SCARF2: variants seen among roughly 807,000 people sequenced by gnomAD.
The protein encoded by SCARF2 is scavenger receptor expressed by endothelial cells 2 protein.
Under a neutral mutation model 73.4 loss-of-function variants are expected in SCARF2, and 39 were observed. The observed-to-expected ratio is 0.53, with a 90% CI of 0.41 to 0.69. The LOEUF (loss-of-function observed/expected upper bound fraction) is 0.69. SCARF2 is among the 30% of genes least tolerant of loss of function. SCARF2 has a pLI of 0.00. For synonymous variants in SCARF2, 605 were observed against 590.0 expected, an observed-to-expected ratio of 1.03 and a Z score of -0.37; for missense variants, 1,148 against 1,303.5, an observed-to-expected ratio of 0.88 and a Z score of 1.84.
At chr22:20,426,842 G>T (rs893372526) in intron 10 of SCARF2, among the ~76,000 whole-genome samples, 1 of 151,962 alleles carries the variant, frequency 6.6e-6, no homozygotes, top group Non-Finnish European at 1.5e-5. Context: ...CAGGAGAATT[G>T]CTTGAACCCA....
rs770367092 is a variant in SCARF2, at chr22:20,426,165, G to T, written c.1811C>A (p.Ala604Glu). The T allele has an allele frequency of 3.2e-5, 47 of 1,487,940 alleles. No individual in the cohort carries two copies. Among genetic ancestry groups the T allele is most frequent in the Non-Finnish European group, 3.9e-5 (44 of 1,124,486 alleles). 92.2% of individuals were successfully genotyped at this position (1,487,940 alleles called of 1,614,324 possible). The change falls in exon 11 of 11, where the codon GCG becomes GAG. Residue 604 changes from alanine (A) to glutamate (E), a missense_variant. Coordinates refer to ENST00000622235, the MANE Select transcript of SCARF2 (RefSeq NM_182895.5). ...ASAEEAIPLP[A>E]SSDSERSASS... is the part of the protein sequence containing the mutation. ...CGCCGACCGCTCGCTGTCGGAGGAC[G>T]CGGGGAGGGGTATCGCCTCCTCGGC...
At chr22:20,427,178 C>T (rs1281364435) in intron 10 of SCARF2, among the ~76,000 whole-genome samples, 1 of 151,710 alleles carries the variant, frequency 6.6e-6, no homozygotes, top group Non-Finnish European at 1.5e-5. Context: ...AGGAGCAACC[C>T]TGGGCTGTGG....
At chr22:20,431,583 AGGT>A in intron 3 of SCARF2, 46 bp from the exon 4 acceptor site, 1 of 1,546,308 alleles carries the variant, frequency 6.5e-7, no homozygotes, top group Non-Finnish European at 8.7e-7. Context: ...GTGCTTGAGT[AGGT>A]GCCCCCAGCC....
intron 1 of SCARF2, among the ~76,000 whole-genome samples, chr22:20,436,142 A>G (rs899743097): frequency 6.6e-6 from 1 of 152,246 alleles, no homozygotes; most frequent in African/African-American, 2.4e-5. Flanking sequence ...TGACTTGCCC[A>G]GGTCCACACA....
In SCARF2 at chr22:20,425,836, G is replaced by A; in HGVS notation, c.2140C>T (p.Pro714Ser). 1 of 1,577,016 alleles carries A rather than the reference G, an allele frequency of 6.3e-7. No homozygotes were observed. ...CGCGGCGTTGGGTCGCGGGTCCGGG[G>A]GCTGCCGTGTTCGACCGTATGCGCC... ...KSAHTVEHGS[P>S]RTRDPTPRPP... is the part of the protein sequence containing the mutation. Residue 714 changes from proline (P) to serine (S), a missense_variant, in exon 11 of 11, where the codon CCC becomes TCC. Transcript: ENST00000622235. The surrounding 1 kb of genome is among the most constrained non-coding windows in gnomAD (Gnocchi z 4.6).
At chr22:20,427,250 A>T in intron 10 of SCARF2, 148 bp downstream of exon 10, 2 of 963,672 alleles carry the variant, frequency 2.1e-6, no homozygotes, top group Non-Finnish European at 3.2e-6. Context: ...CTATGGCCTC[A>T]GCTCTGTGGG....
At position 20,429,180 on chromosome 22, in the gene SCARF2, C is replaced by G. The variant is rs371671076; in HGVS notation, c.1540+45G>C. On this transcript the variant is annotated intron_variant, in intron 9 of 10. Transcript: ENST00000622235. The surrounding 1 kb of genome is among the most constrained non-coding windows in gnomAD (Gnocchi z 5.2). The stretch of plus-strand genomic sequence containing the variant: ...ACACCCATTTCCCAGCAGCTTCCTG[C>G]GTCGAGAGGTGTTTCTCCCAGATAC... 105 of 1,612,678 alleles carry G rather than the reference C, an allele frequency of 6.5e-5. No homozygotes were observed. The African/African-American group carries it at 1.2e-3, about 18-fold the overall frequency.
In SCARF2 at chr22:20,425,307, T is replaced by G. The variant is rs2052558565; in HGVS notation, c.*68A>C. The G allele has an allele frequency of 2.4e-6, 3 of 1,253,250 alleles. No homozygotes were observed. Among genetic ancestry groups the G allele is most frequent in the Non-Finnish European group, 2.0e-6 (2 of 977,136 alleles). 77.6% of individuals were successfully genotyped at this position (1,253,250 alleles called of 1,614,324 possible). A position where few individuals can be genotyped will look rare whatever the true frequency, so the allele number is the denominator to read the frequency against. On this transcript the variant is annotated 3_prime_UTR_variant, in exon 11 of 11. Transcript: ENST00000622235. The surrounding 1 kb of genome is among the most constrained non-coding windows in gnomAD (Gnocchi z 4.6). ...AGGAGGCCGCCCGTGCCCGGTAGCG[T>G]GGGAGGTGTGGGGTGGCGGGCGGCG...
At position 20,431,448 on chromosome 22, in the gene SCARF2, T is replaced by C. The variant is rs2052646332; in HGVS notation, c.424A>G (p.Thr142Ala). The change falls in exon 4 of 11, where the codon ACT becomes GCT. Residue 142 changes from threonine to alanine, a missense_variant. Thr to Ala is a moderately conservative substitution (Grantham distance 58). Coordinates refer to ENST00000622235, the MANE Select transcript of SCARF2 (RefSeq NM_182895.5). ...GQCEDVTGQC[T>A]CHARRWGARC... ...GCGCCCCAGCGCCGCGCGTGACAAG[T>C]ACACTGGCCTGTCACGTCCTCGCAC... is the stretch of plus-strand genomic sequence containing the variant. 5 of 1,556,406 alleles carry C rather than the reference T, an allele frequency of 3.2e-6. No homozygotes were observed. The highest frequency in any genetic ancestry group is 4.3e-6 in the Non-Finnish European group (5 of 1,159,358).
In SCARF2 at chr22:20,425,466, G is replaced by A; in HGVS notation, c.2510C>T (p.Pro837Leu). The change falls in exon 11 of 11, where the codon CCC becomes CTC. Residue 837 changes from proline (P) to leucine (L), a missense_variant. Pro to Leu is a moderately conservative substitution (Grantham distance 98, BLOSUM62 -3). Around this residue, in one of 5 missense-constraint regions of SCARF2, gnomAD observed 169 missense variants for 136.9 expected, o/e 1.23. Coordinates refer to ENST00000622235, the MANE Select transcript of SCARF2 (RefSeq NM_182895.5). This position sits in a 1 kb window ranked among gnomAD's most constrained non-coding sequence, Gnocchi z 4.6. ...CTTCTGGATGGGGGTCTTCTTCCGGGGGGTCTCAGGCGCGGGCAAGTCGGT... is the reference window on the plus strand; with the variant it reads ...CTTCTGGATGGGGGTCTTCTTCCGGAGGGTCTCAGGCGCGGGCAAGTCGGT... ...AATDLPAPET[P>L]RKKTPIQKPP... 7.1e-7 allele frequency: 1 copy of A among 1,404,780 alleles called. No homozygotes were observed. The highest frequency in any genetic ancestry group is 9.3e-7 in the Non-Finnish European group (1 of 1,078,334). The allele number at this position is 1,404,780 out of a possible 1,614,324, so 87.0% of individuals were successfully genotyped here. A position where few individuals can be genotyped will look rare whatever the true frequency, so the allele number is the denominator to read the frequency against.
In SCARF2 at chr22:20,427,465, G is replaced by T; in HGVS notation, c.1626C>A (p.Ser542=). Residue 542 remains serine, a synonymous_variant, in exon 10 of 11, where the codon TCC becomes TCA. Coordinates refer to ENST00000622235, the MANE Select transcript of SCARF2 (RefSeq NM_182895.5). The stretch of plus-strand genomic sequence containing the variant: ...CAAACGAGGAGAAGGAGGCCCGAGA[G>T]GACCAGGATGGTGAGGGCTGCTCCA... The part of the protein sequence containing the change: ...SGLEQPSPSW[S]SRASFSSFDT... The T allele has an allele frequency of 6.2e-7, 1 of 1,614,196 alleles. No individual in the cohort carries two copies. The highest frequency in any genetic ancestry group is 2.2e-5 in the East Asian group (1 of 44,894).
In SCARF2 at chr22:20,426,244, C is replaced by T. The variant is rs1046926621; in HGVS notation, c.1732G>A (p.Val578Ile). The T allele has an allele frequency of 6.5e-6, 10 of 1,536,912 alleles. No homozygotes were observed. The highest frequency in any genetic ancestry group is 8.7e-6 in the Non-Finnish European group (10 of 1,147,734). The change falls in exon 11 of 11, where the codon GTC (valine) becomes ATC (isoleucine). Residue 578 changes from valine (V) to isoleucine (I), a missense_variant. Around this residue, in one of 5 missense-constraint regions of SCARF2, gnomAD observed 437 missense variants for 433.6 expected, o/e 1.01. Coordinates refer to ENST00000622235, the MANE Select transcript of SCARF2 (RefSeq NM_182895.5). Reference sequence around the variant, plus strand: ...GACGGCGCCGGCGCCTCGGCAGGGACAGTGGGGACTTCGGGGTCCCGGCTC... The same window carrying T: ...GACGGCGCCGGCGCCTCGGCAGGGATAGTGGGGACTTCGGGGTCCCGGCTC... Reference protein sequence around the residue: ...AESRDPEVPTVPAEAPAPSPV... With the variant: ...AESRDPEVPTIPAEAPAPSPV...
At position 20,430,552 on chromosome 22, in the gene SCARF2, T is replaced by C; in HGVS notation, c.1079A>G (p.Glu360Gly). The C allele has an allele frequency of 6.2e-7, 1 of 1,611,936 alleles. No homozygotes were observed. The highest frequency in any genetic ancestry group is 8.5e-7 in the Non-Finnish European group (1 of 1,179,354). ...CNAGWIGDRC[E>G]TKCSNGTYGE... ...GTAAGTGCCATTGCTACACTTGGTCTCGCACCTTGGAAAGAGGGGAGGAGG... is the reference window on the plus strand; with the variant it reads ...GTAAGTGCCATTGCTACACTTGGTCCCGCACCTTGGAAAGAGGGGAGGAGG... The change falls in exon 6 of 11, where the codon GAG (glutamate) becomes GGG (glycine). Residue 360 changes from glutamate (E) to glycine (G), a missense_variant. Around this residue, in one of 5 missense-constraint regions of SCARF2, gnomAD observed 372 missense variants for 532.0 expected, o/e 0.70. Transcript: ENST00000622235.
chr22:20,433,727 G>A (rs1175687161), intron 1 of SCARF2, among the ~76,000 whole-genome samples: 1 of 152,246 alleles, frequency 6.6e-6, no homozygotes, highest in African/African-American at 2.4e-5. Context: ...GGAATACAAA[G>A]GCCTGGCTTT....
In SCARF2 at chr22:20,426,203, G is replaced by A; in HGVS notation, c.1773C>T (p.Thr591=). The A allele has an allele frequency of 1.3e-6, 2 of 1,524,178 alleles. No individual in the cohort carries two copies. Among genetic ancestry groups the A allele is most frequent in the Non-Finnish European group, 1.8e-6 (2 of 1,141,922 alleles). The allele number at this position is 1,524,178 out of a possible 1,614,324, so 94.4% of individuals were successfully genotyped here. A position where few individuals can be genotyped will look rare whatever the true frequency, so the allele number is the denominator to read the frequency against. Reference sequence around the variant, plus strand: ...TCGCCTCCTCGGCGGAGGCTGGCGTGGTCAAGGGCACAGGGGACGGCGCCG... The same window carrying A: ...TCGCCTCCTCGGCGGAGGCTGGCGTAGTCAAGGGCACAGGGGACGGCGCCG... ...EAPAPSPVPL[T]TPASAEEAIP... The change falls in exon 11 of 11, where the codon ACC becomes ACT. Residue 591 remains threonine, a synonymous_variant. Transcript: ENST00000622235.
In SCARF2 at chr22:20,430,920, G is replaced by A. The variant is rs1485145277; in HGVS notation, c.855-12C>T. On this transcript the variant is annotated splice_polypyrimidine_tract_variant and intron_variant, in intron 4 of 10. Transcript: ENST00000622235. The stretch of plus-strand genomic sequence containing the variant: ...TGCACTGGCCACACCTGGGGGAGGG[G>A]TCGGAGGCTAGGGAAGGCTGGGACC... The A allele has an allele frequency of 5.7e-6, 9 of 1,581,854 alleles. No individual in the cohort carries two copies. Among genetic ancestry groups the A allele is most frequent in the East Asian group, 2.3e-5 (1 of 43,920 alleles).
At position 20,426,199 on chromosome 22, in the gene SCARF2, G is replaced by C. The variant is rs1349528117; in HGVS notation, c.1777C>G (p.Pro593Ala). The C allele has an allele frequency of 1.3e-6, 2 of 1,520,172 alleles. No homozygotes were observed. The highest frequency in any genetic ancestry group is 2.8e-5 in the African/African-American group (2 of 72,380). The allele number at this position is 1,520,172 out of a possible 1,614,324, so 94.2% of individuals were successfully genotyped here. ...GGTATCGCCTCCTCGGCGGAGGCTG[G>C]CGTGGTCAAGGGCACAGGGGACGGC... is the stretch of plus-strand genomic sequence containing the variant. ...PAPSPVPLTT[P>A]ASAEEAIPLP... is the part of the protein sequence containing the mutation. Residue 593 changes from proline (P) to alanine (A), a missense_variant, in exon 11 of 11, where the codon CCA becomes GCA. Around this residue, in one of 5 missense-constraint regions of SCARF2, gnomAD observed 437 missense variants for 433.6 expected, o/e 1.01. Transcript: ENST00000622235.
At chr22:20,433,249 G>A (rs888921965) in intron 1 of SCARF2, among the ~76,000 whole-genome samples, 1 of 152,196 alleles carries the variant, frequency 6.6e-6, no homozygotes, top group African/African-American at 2.4e-5. Context: ...AGAAGGAAGA[G>A]CCACCAAGGC....
Position 20,425,311 on chromosome 22 carries a change from A to C in SCARF2, c.*64T>G. The C allele has an allele frequency of 7.9e-7, 1 of 1,263,954 alleles. No homozygotes were observed. The highest frequency in any genetic ancestry group is 1.0e-6 in the Non-Finnish European group (1 of 985,474). The allele number at this position is 1,263,954 out of a possible 1,614,324, so 78.3% of individuals were successfully genotyped here. On this transcript the variant is annotated 3_prime_UTR_variant, in exon 11 of 11. Coordinates refer to ENST00000622235, the MANE Select transcript of SCARF2 (RefSeq NM_182895.5). The surrounding 1 kb of genome is among the most constrained non-coding windows in gnomAD (Gnocchi z 4.6). Reference sequence around the variant, plus strand: ...GGCCGCCCGTGCCCGGTAGCGTGGGAGGTGTGGGGTGGCGGGCGGCGCTGC... The same window carrying C: ...GGCCGCCCGTGCCCGGTAGCGTGGGCGGTGTGGGGTGGCGGGCGGCGCTGC...
Sources: gnomAD v4.1 joint callset for allele counts (sites outside exome capture counted in the v4.1 genomes callset) on GRCh38, gnomAD v4.1.1 for gene constraint, gnomAD v4.1.1 regional missense constraint, Gnocchi (gnomAD v3.1) non-coding constraint, MANE v1.5 for transcripts, NCBI Gene and HGNC (gene_info 2026-07-23, HGNC 2026-07-21) for gene names.